The following ETV3L variants were observed in gnomAD, a reference collection of about 807,000 sequenced individuals.
The protein encoded by ETV3L is ETS variant transcription factor 3 like.
In ETV3L, 30 loss-of-function variants were observed where a neutral mutation model predicts 27.6. The ratio of observed to expected loss-of-function variants is 1.09; its 90% CI spans 0.81 to 1.48. ETV3L has a LOEUF of 1.48. ETV3L is among the 40% of genes most tolerant of loss of function. ETV3L has a pLI of 0.00. For missense variants in ETV3L, 443 were observed against 455.6 expected (o/e 0.97, Z 0.25); for synonymous variants, 186 against 188.9 (o/e 0.98, Z 0.12).
In ETV3L at chr1:157,092,429, C is replaced by T; in HGVS notation, c.*220G>A. 1.8e-5 allele frequency: 10 copies of T among 559,864 alleles called. No homozygotes were observed. In the South Asian group the frequency reaches 2.2e-4, roughly 12 times the overall value. 34.7% of individuals were successfully genotyped at this position (559,864 alleles called of 1,614,324 possible). ...AGGAATGTCCCCTTAGTCTGCTTAG[C>T]AATATGGTGAAAGAGGAGGGGCACC... On this transcript the variant is annotated 3_prime_UTR_variant, in exon 5 of 5. Transcript: ENST00000454449.
chr1:157,098,407 T>C (rs913009766), intron 3 of ETV3L, among the ~76,000 whole-genome samples: 4 of 152,068 alleles, frequency 2.6e-5, no homozygotes, highest in African/African-American at 9.7e-5. Flanking sequence ...CTCATACCCA[T>C]TGTTAAAAGC....
At chr1:157,099,436 G>A (rs2103184923) in intron 1 of ETV3L, 30 bp downstream of exon 1, 1 of 1,614,020 alleles carries the variant, frequency 6.2e-7, no homozygotes, top group Non-Finnish European at 8.5e-7. Flanking sequence ...CACCGTTGGA[G>A]CAGGGGGTAG....
intron 4 of ETV3L, among the ~76,000 whole-genome samples, chr1:157,093,983 C>G (rs1327086657): frequency 6.6e-6 from 1 of 152,184 alleles, no homozygotes; most frequent in Non-Finnish European, 1.5e-5. Context: ...GTGAGCCCAA[C>G]TCTTTGGGGG....
Position 157,092,662 on chromosome 1 carries a change from A to G in ETV3L, c.1073T>C (p.Leu358Ser). The part of the protein sequence containing the change: ...NLENLKAVWP[L>S]DPP ...CTTCCTCTCTAGTTAAGGAGGATCC[A>G]AGGGCCACACTGCTTTGAGGTTCTC... Residue 358 changes from leucine (L) to serine (S), a missense_variant, in exon 5 of 5, where the codon TTG becomes TCG. By Grantham distance (145) the Leu-to-Ser change is moderately radical. Coordinates refer to ENST00000454449, the MANE Select transcript of ETV3L (RefSeq NM_001004341.2). The G allele has an allele frequency of 6.2e-7, 1 of 1,606,986 alleles. No homozygotes were observed. Among genetic ancestry groups the G allele is most frequent in the Non-Finnish European group, 8.5e-7 (1 of 1,176,614 alleles).
chr1:157,093,734 C>G (rs1485854656), intron 4 of ETV3L, among the ~76,000 whole-genome samples: 2 of 152,168 alleles, frequency 1.3e-5, no homozygotes, highest in Non-Finnish European at 2.9e-5. Context: ...CTCAGGTGAT[C>G]CACCTGCCTT....
At chr1:157,097,055 C>A (rs776326096) in intron 4 of ETV3L, among the ~76,000 whole-genome samples, 27 of 152,274 alleles carry the variant, frequency 1.8e-4, no homozygotes, top group Non-Finnish European at 3.4e-4. Flanking sequence ...ACCTGTTTGC[C>A]TTGCCAGCCC....
In ETV3L at chr1:157,099,128, C is replaced by T. The variant is rs199807521; in HGVS notation, c.296+13G>A. 6.1e-5 allele frequency: 98 copies of T among 1,613,312 alleles called. No homozygotes were observed. The highest frequency in any genetic ancestry group is 5.1e-4 in the East Asian group (23 of 44,862). On this transcript the variant is annotated intron_variant, in intron 2 of 4. Transcript: ENST00000454449. ...ATCCCCCCTCTTTGGCCATGTCAGC[C>T]GCCTCCTCTCACCTGAGGGCCCGGC...
chr1:157,098,109 T>TTA (rs1553244379), intron 3 of ETV3L, 121 bp from the exon 4 acceptor site: 2 of 1,225,264 alleles, frequency 1.6e-6, no homozygotes, highest in Non-Finnish European at 2.2e-6. Context: ...CGATTTTTTT[T>TTA]TTTTTGAGTT....
rs1674130043 is a variant in ETV3L at position 157,092,239 on chromosome 1, C to G, written c.*410G>C. On this transcript the variant is annotated 3_prime_UTR_variant, in exon 5 of 5. Transcript: ENST00000454449. Reference sequence around the variant, plus strand: ...GTTGCATGGAGGGGTGAGAAAGGGACTGGAGACCTTAGCCTGGAATGGGGA... The same window carrying G: ...GTTGCATGGAGGGGTGAGAAAGGGAGTGGAGACCTTAGCCTGGAATGGGGA... 6.1e-6 allele frequency: 1 copy of G among 163,332 alleles called. No homozygotes were observed. 10.1% of individuals were successfully genotyped at this position (163,332 alleles called of 1,614,324 possible).
At chr1:157,098,425 C>T (rs1674275079) in intron 3 of ETV3L, among the ~76,000 whole-genome samples, 1 of 152,118 alleles carries the variant, frequency 6.6e-6, no homozygotes, top group Admixed American at 6.5e-5. Context: ...AGCCCACTGC[C>T]ACGGCTGCCT....
At chr1:157,097,225 C>G (rs1229817160) in intron 4 of ETV3L, among the ~76,000 whole-genome samples, 1 of 151,944 alleles carries the variant, frequency 6.6e-6, no homozygotes, top group Non-Finnish European at 1.5e-5. Context: ...GTAATCCCAG[C>G]AGTTTGGGAG....
intron 4 of ETV3L, among the ~76,000 whole-genome samples, chr1:157,093,823 A>G (rs1319585642): frequency 6.6e-6 from 1 of 152,088 alleles, no homozygotes; most frequent in Non-Finnish European, 1.5e-5. Flanking sequence ...GCCTCATCAT[A>G]AATATCACTC....
intron 3 of ETV3L, 89 bp downstream of exon 3, chr1:157,098,617 C>T (rs745517869): frequency 2.5e-5 from 32 of 1,297,782 alleles, no homozygotes; most frequent in Non-Finnish European, 3.3e-5. Flanking sequence ...GCTGATGGGC[C>T]CCAGAGGCAA....
rs774118763 is a variant in ETV3L at position 157,092,991 on chromosome 1, C to T, written c.744G>A (p.Ser248=). ...PPLPSNWTCL[S]GPFLPPLPSE... ...ACGGGAGAGGAGGCAAGAAGGGCCC[C>T]GAGAGACAGGTCCAGTTGGAGGGCA... The change falls in exon 5 of 5, where the codon TCG becomes TCA. Residue 248 remains serine, a synonymous_variant. Coordinates refer to ENST00000454449, the MANE Select transcript of ETV3L (RefSeq NM_001004341.2). The T allele has an allele frequency of 4.2e-5, 67 of 1,612,590 alleles. No homozygotes were observed. The highest frequency in any genetic ancestry group is 6.7e-5 in the East Asian group (3 of 44,856).
At chr1:157,099,105 C>T (rs866279665) in intron 2 of ETV3L, 36 bp downstream of exon 2, 1 of 1,595,518 alleles carries the variant, frequency 6.3e-7, no homozygotes, top group South Asian at 1.1e-5. Flanking sequence ...TCCTTGAAAT[C>T]CCCCCTCTTT....
rs1674304811 is a variant in ETV3L, at chr1:157,099,661, G to A, written c.-138C>T. 3 of 714,672 alleles carry A rather than the reference G, an allele frequency of 4.2e-6. No individual in the cohort carries two copies. Among genetic ancestry groups the A allele is most frequent in the Admixed American group, 2.5e-5 (1 of 40,164 alleles). 44.3% of individuals were successfully genotyped at this position (714,672 alleles called of 1,614,324 possible). A position where few individuals can be genotyped will look rare whatever the true frequency, so the allele number is the denominator to read the frequency against. ...GAGGGAAAGAAGGAAGGAAGGGAGA[G>A]GGTCAGGAAAGAAAGAGAGAAAAGG... On this transcript the variant is annotated 5_prime_UTR_variant, in exon 1 of 5. Coordinates refer to ENST00000454449, the MANE Select transcript of ETV3L (RefSeq NM_001004341.2).
In ETV3L at chr1:157,099,183, C is replaced by T. The variant is rs1478809532; in HGVS notation, c.254G>A (p.Cys85Tyr). ...CTTGTCATAATTCATCTGTGGTTTG[C>T]ATTTCCTGCGGCCCCAGAGGCGGGC... ...EVARLWGRRK[C>Y]KPQMNYDKLS... is the part of the protein sequence containing the mutation. Residue 85 changes from cysteine to tyrosine, a missense_variant, in exon 2 of 5, where the codon TGC (cysteine) becomes TAC (tyrosine). By Grantham distance (194) the Cys-to-Tyr change is radical. Coordinates refer to ENST00000454449, the MANE Select transcript of ETV3L (RefSeq NM_001004341.2). The T allele has an allele frequency of 6.2e-6, 10 of 1,613,922 alleles. No homozygotes were observed. The highest frequency in any genetic ancestry group is 1.7e-5 in the Admixed American group (1 of 60,008).
chr1:157,098,604 G>A, intron 3 of ETV3L, 102 bp downstream of exon 3: 1 of 1,149,686 alleles, frequency 8.7e-7, no homozygotes, highest in Non-Finnish European at 1.2e-6. Flanking sequence ...AAGAAAACTG[G>A]AGGCTGATGG....
At position 157,098,788 on chromosome 1, in the gene ETV3L, C is replaced by T. The variant is rs577101931; in HGVS notation, c.404G>A (p.Arg135Gln). 328 of 1,614,062 alleles carry T rather than the reference C, an allele frequency of 2.0e-4. 1 individual carries two copies. Among genetic ancestry groups the T allele is most frequent in the South Asian group, 6.6e-4 (60 of 91,062 alleles). ...CAGCAAGTGGGGGGATGGCGGCGCC[C>T]GCACTTCCCACAAAGGATAGTTGAC... Reference protein sequence around the residue: ...IVVNYPLWEVRAPPSPHLLLG... With the variant: ...IVVNYPLWEVQAPPSPHLLLG... Residue 135 changes from arginine to glutamine, a missense_variant, in exon 3 of 5, where the codon CGG becomes CAG. Arg to Gln is a conservative substitution (Grantham distance 43, BLOSUM62 1). Coordinates refer to ENST00000454449, the MANE Select transcript of ETV3L (RefSeq NM_001004341.2).
Sources: gnomAD v4.1 joint callset for allele counts (sites outside exome capture counted in the v4.1 genomes callset) on GRCh38, gnomAD v4.1.1 for gene constraint, MANE v1.5 for transcripts, NCBI Gene and HGNC (gene_info 2026-07-23, HGNC 2026-07-21) for gene names.